MAGI2: variants seen among roughly 807,000 people sequenced by gnomAD.
MAGI2 encodes the protein membrane-associated guanylate kinase, WW and PDZ domain-containing protein 2.
MAGI2 carries 35 observed loss-of-function variants against 133.3 expected under a neutral mutation model. The observed-to-expected ratio is 0.26, with a 90% confidence interval of 0.20 to 0.35. MAGI2 has a LOEUF of 0.35. Ranked by LOEUF, MAGI2 falls within the 10% of genes least tolerant of loss-of-function variation. MAGI2 has a pLI of 1.00. For missense variants in MAGI2, 1,636 were observed against 1,863.4 expected (o/e 0.88, Z 2.25); for synonymous variants, 729 against 710.6 (o/e 1.03, Z -0.41).
At chr7:79,252,936 C>G (rs1833420469) in intron 1 of MAGI2, among the ~76,000 whole-genome samples, 1 of 152,074 alleles carries the variant, frequency 6.6e-6, no homozygotes, top group South Asian at 2.1e-4. Context: ...TTCTGAATAG[C>G]CCAGGGTTTG....
chr7:78,546,785 G>A (rs1798883971), intron 3 of MAGI2, among the ~76,000 whole-genome samples: 1 of 152,098 alleles, frequency 6.6e-6, no homozygotes, highest in Non-Finnish European at 1.5e-5. Flanking sequence ...CCACATAGTA[G>A]CTATGTAAGT....
chr7:78,052,344 G>A, intron 21 of MAGI2, among the ~76,000 whole-genome samples: 1 of 152,050 alleles, frequency 6.6e-6, no homozygotes. Context: ...AAAGAGCCTG[G>A]CACCCCCTCC....
intron 1 of MAGI2, among the ~76,000 whole-genome samples, chr7:79,111,447 T>C (rs1818916369): frequency 6.6e-6 from 1 of 152,208 alleles, no homozygotes; most frequent in South Asian, 2.1e-4. Context: ...GAATAAATTA[T>C]CATTTTTGGT....
At chr7:79,443,217 A>T (rs2129199178) in intron 1 of MAGI2, among the ~76,000 whole-genome samples, 1 of 151,810 alleles carries the variant, frequency 6.6e-6, no homozygotes, top group South Asian at 2.1e-4. Context: ...GGTCTCTGTG[A>T]GCAGAGATGA....
chr7:78,969,982 G>T (rs1052221509), intron 2 of MAGI2, among the ~76,000 whole-genome samples: 3 of 144,946 alleles, frequency 2.1e-5, no homozygotes, highest in African/African-American at 4.9e-5. Context: ...AGGTTGCATA[G>T]CCTGGAATTG....
rs151039612 is a variant in MAGI2 at position 79,213,431 on chromosome 7, G to T, written c.302-206225C>A. Among the ~76,000 whole-genome samples, 55 of 152,070 alleles carry T rather than the reference G, an allele frequency of 3.6e-4. 1 individual carries two copies. The East Asian group carries it at 7.6e-3, about 21-fold the overall frequency. ...ACCCCTGGGCTCAAGCAATTCTCCA[G>T]CCTCAGCCCCCTGGGATGATAAGTG... On this transcript the variant is annotated intron_variant, in intron 1 of 21. Coordinates refer to ENST00000354212, the MANE Select transcript of MAGI2 (RefSeq NM_012301.4).
intron 6 of MAGI2, among the ~76,000 whole-genome samples, chr7:78,384,810 A>C (rs552909393): frequency 1.2e-3 from 178 of 152,288 alleles, no homozygotes; most frequent in Non-Finnish European, 1.7e-3. Context: ...TTTCTATTTA[A>C]TATGCAGCCT....
rs1450229781 is a variant in MAGI2 at position 78,256,203 on chromosome 7, G to C, written c.1787C>G (p.Ser596Cys). 1 of 1,614,058 alleles carries C rather than the reference G, an allele frequency of 6.2e-7. No individual in the cohort carries two copies. The highest frequency in any genetic ancestry group is 1.1e-5 in the South Asian group (1 of 91,090). Residue 596 changes from serine to cysteine, a missense_variant, in exon 10 of 22, where the codon TCT becomes TGT. Transcript: ENST00000354212. ...VHDDNVSMASSGATQAELMTL... is the reference protein window; with the variant it reads ...VHDDNVSMASCGATQAELMTL... ...CATAAGTTCAGCTTGGGTGGCCCCA[G>C]ATGAAGCCATAGACACATTGTCATC...
At chr7:79,238,939 A>C (rs1832157003) in intron 1 of MAGI2, among the ~76,000 whole-genome samples, 2 of 152,302 alleles carry the variant, frequency 1.3e-5, no homozygotes, top group Non-Finnish European at 2.9e-5. Context: ...AACTGATGAC[A>C]GAACTTGAGG....
intron 9 of MAGI2, among the ~76,000 whole-genome samples, chr7:78,335,463 C>T (rs112992550): frequency 5.9e-5 from 9 of 152,328 alleles, no homozygotes; most frequent in East Asian, 1.9e-4. Flanking sequence ...CTGCCACCAA[C>T]GTTGGACCCC....
At chr7:79,294,703 A>G (rs1210748423) in intron 1 of MAGI2, among the ~76,000 whole-genome samples, 2 of 147,548 alleles carry the variant, frequency 1.4e-5, no homozygotes, top group Non-Finnish European at 3.0e-5. Flanking sequence ...TATGTACAAT[A>G]AGATTATATT....
At chr7:78,573,257 AATATAAATATATATAAAT>A (rs1801805443) in intron 3 of MAGI2, among the ~76,000 whole-genome samples, 1 of 21,970 alleles carries the variant, frequency 4.6e-5, no homozygotes, top group African/African-American at 1.7e-4. Context: ...AATATATATA[AATATAAATATATATAAAT>A]ATATATATTT....
chr7:78,343,634 G>A, intron 9 of MAGI2, 144 bp downstream of exon 9: 1 of 521,942 alleles, frequency 1.9e-6, no homozygotes, highest in Non-Finnish European at 3.0e-6. Flanking sequence ...TTTAAACTTA[G>A]GGGAAACATA....
At chr7:78,466,816 T>G (rs1246277352) in intron 6 of MAGI2, among the ~76,000 whole-genome samples, 1 of 152,140 alleles carries the variant, frequency 6.6e-6, no homozygotes, top group African/African-American at 2.4e-5. Flanking sequence ...GGCTGCTTGT[T>G]GAAAGGCACT....
At chr7:79,375,000 G>T (rs1187538381) in intron 1 of MAGI2, among the ~76,000 whole-genome samples, 1 of 151,756 alleles carries the variant, frequency 6.6e-6, no homozygotes. Context: ...AATAAATGCT[G>T]GTTCCCTTCT....
At chr7:78,692,684 G>A (rs1817093008) in intron 2 of MAGI2, among the ~76,000 whole-genome samples, 1 of 152,080 alleles carries the variant, frequency 6.6e-6, no homozygotes, top group Non-Finnish European at 1.5e-5. Flanking sequence ...GTATCACATT[G>A]TGTCTCTTCA....
intron 20 of MAGI2, 74 bp from the exon 21 acceptor site, chr7:78,079,159 A>G (rs1815690624): frequency 6.9e-7 from 1 of 1,458,822 alleles, no homozygotes; most frequent in Non-Finnish European, 9.5e-7. Context: ...ATTAAAAAAA[A>G]AGCATGTCTA....
chr7:78,825,998 T>C (rs989008080), intron 2 of MAGI2, among the ~76,000 whole-genome samples: 4 of 152,152 alleles, frequency 2.6e-5, no homozygotes, highest in African/African-American at 9.7e-5. Context: ...CAATAGAATA[T>C]TATTCAGTGA....
At chr7:79,097,124 G>T (rs568404119) in intron 1 of MAGI2, among the ~76,000 whole-genome samples, 1 of 152,182 alleles carries the variant, frequency 6.6e-6, no homozygotes, top group African/African-American at 2.4e-5. Context: ...CTTTCAATAT[G>T]CCAGTTACTG....
Sources: allele counts gnomAD v4.1 joint callset (sites outside exome capture counted in the v4.1 genomes callset), GRCh38; gene constraint gnomAD v4.1.1; transcripts MANE v1.5; gene names NCBI Gene and HGNC (gene_info 2026-07-23, HGNC 2026-07-21).